The following TMCC3 variants were observed in gnomAD, a reference collection of about 807,000 sequenced individuals.
The protein encoded by TMCC3 is transmembrane and coiled-coil domain protein 3.
Under a neutral mutation model 40.2 loss-of-function variants are expected in TMCC3, and 28 were observed. That is an observed-to-expected ratio of 0.70 (90% CI 0.52 to 0.95). The LOEUF is 0.95. TMCC3 is among the 40% of genes least tolerant of loss of function. The pLI is 0.00. For synonymous variants in TMCC3, 255 were observed against 248.5 expected (o/e 1.03, Z -0.25); for missense variants, 554 against 615.2 (o/e 0.90, Z 1.05).
rs1026447564 is a variant in TMCC3, at chr12:94,570,606, G to C, written c.*829C>G. On this transcript the variant is annotated 3_prime_UTR_variant, in exon 4 of 4. Coordinates refer to ENST00000261226, the MANE Select transcript of TMCC3 (RefSeq NM_020698.4). Reference sequence around the variant, plus strand: ...GAGCCCTGTCTCAAAAAAGAAAAAAGATTTGCCAAAACACAAACCTTCAGA... The same window carrying C: ...GAGCCCTGTCTCAAAAAAGAAAAAACATTTGCCAAAACACAAACCTTCAGA... 6.6e-6 allele frequency: 1 copy of C among 152,552 alleles called. No homozygotes were observed. Among genetic ancestry groups the C allele is most frequent in the Admixed American group, 6.5e-5 (1 of 15,274 alleles). The allele number at this position is 152,552 out of a possible 1,614,324, so 9.4% of individuals were successfully genotyped here.
At chr12:94,617,377 G>T (rs1044564610) in intron 1 of TMCC3, among the ~76,000 whole-genome samples, 1 of 152,128 alleles carries the variant, frequency 6.6e-6, no homozygotes, top group Non-Finnish European at 1.5e-5. Flanking sequence ...ACGACCTGGG[G>T]CAAGTAAATT....
At chr12:94,590,189 A>C (rs933338999) in intron 1 of TMCC3, among the ~76,000 whole-genome samples, 2 of 148,870 alleles carry the variant, frequency 1.3e-5, no homozygotes, top group Admixed American at 6.7e-5. Context: ...GCAAATTCCA[A>C]TGTTCAAGTG....
intron 1 of TMCC3, among the ~76,000 whole-genome samples, chr12:94,645,180 A>T (rs1175764613): frequency 6.6e-6 from 1 of 152,230 alleles, no homozygotes; most frequent in Non-Finnish European, 1.5e-5. Flanking sequence ...GAATAAACGA[A>T]GCATCTTGCT....
rs2068527253 is a variant in TMCC3 at position 94,571,452 on chromosome 12, T to A, written c.1417A>T (p.Met473Leu). The A allele has an allele frequency of 6.2e-7, 1 of 1,612,864 alleles. No individual in the cohort carries two copies. The highest frequency in any genetic ancestry group is 1.3e-5 in the African/African-American group (1 of 75,044). ...WDHILCAIER[M>L]IIPR The stretch of plus-strand genomic sequence containing the variant: ...CAGTGGCTTCATCTTGGTATTATCA[T>A]CCTTTCTATGGCACACAGGATATGG... The change falls in exon 4 of 4, where the codon ATG (methionine) becomes TTG (leucine). Residue 473 changes from methionine (M) to leucine (L), a missense_variant. By Grantham distance (15) the Met-to-Leu change is conservative. Transcript: ENST00000261226.
intron 1 of TMCC3, among the ~76,000 whole-genome samples, chr12:94,618,657 G>A (rs1279559730): frequency 6.6e-6 from 1 of 152,154 alleles, no homozygotes; most frequent in African/African-American, 2.4e-5. Flanking sequence ...GGCCGAGGAA[G>A]AACAAGTTCC....
At chr12:94,620,413 G>A (rs910795235) in intron 1 of TMCC3, among the ~76,000 whole-genome samples, 1 of 151,150 alleles carries the variant, frequency 6.6e-6, no homozygotes, top group Non-Finnish European at 1.5e-5. Flanking sequence ...TCAGCCTCCC[G>A]AGTAGCTGGG....
intron 1 of TMCC3, among the ~76,000 whole-genome samples, chr12:94,625,279 C>G (rs371557755): frequency 6.6e-6 from 1 of 151,392 alleles, no homozygotes; most frequent in Non-Finnish European, 1.5e-5. Context: ...ACAGGTCAAA[C>G]GATAACACTG....
intron 1 of TMCC3, among the ~76,000 whole-genome samples, chr12:94,595,445 T>C (rs1015390439): frequency 1.3e-5 from 2 of 152,180 alleles, no homozygotes; most frequent in South Asian, 2.1e-4. Flanking sequence ...CTTTGAAAAG[T>C]TGCTATGTAA....
chr12:94,613,247 T>A (rs1157325408), intron 1 of TMCC3, among the ~76,000 whole-genome samples: 1 of 151,772 alleles, frequency 6.6e-6, no homozygotes, highest in Admixed American at 6.6e-5. Context: ...GTGGATCACA[T>A]AAGCCCAGAG....
intron 1 of TMCC3, among the ~76,000 whole-genome samples, chr12:94,620,412 C>T (rs766917277): frequency 9.9e-5 from 15 of 151,500 alleles, no homozygotes; most frequent in Non-Finnish European, 1.6e-4. Flanking sequence ...CTCAGCCTCC[C>T]GAGTAGCTGG....
At chr12:94,604,554 C>T (rs2068771247) in intron 1 of TMCC3, among the ~76,000 whole-genome samples, 1 of 150,810 alleles carries the variant, frequency 6.6e-6, no homozygotes, top group Admixed American at 6.6e-5. Context: ...TCCTGTAATC[C>T]CAGCACTCTG....
chr12:94,572,673 G>T (rs2068539687), intron 3 of TMCC3, among the ~76,000 whole-genome samples: 1 of 152,154 alleles, frequency 6.6e-6, no homozygotes, highest in African/African-American at 2.4e-5. Flanking sequence ...TGCCATCAGG[G>T]ACAAAGCAGA....
intron 1 of TMCC3, among the ~76,000 whole-genome samples, chr12:94,593,370 A>AG (rs1566320450): frequency 2.7e-5 from 2 of 72,790 alleles, no homozygotes; most frequent in Admixed American, 1.4e-4. Context: ...AAAAAAAAAA[A>AG]AAGAAAAGAA....
rs1409098007 is a variant in TMCC3, at chr12:94,650,253, G to A, written c.78+100C>T. 4 of 763,124 alleles carry A rather than the reference G, an allele frequency of 5.2e-6. No individual in the cohort carries two copies. In the African/African-American group the frequency reaches 5.6e-5, roughly 11 times the overall value. 47.3% of individuals were successfully genotyped at this position (763,124 alleles called of 1,614,324 possible). On this transcript the variant is annotated intron_variant, in intron 1 of 3. Transcript: ENST00000261226. ...TCCGGCGGCAGCGGAGGGCGGCGGC[G>A]AAACGCCGGGGGCGCGTGGGTTAGC...
chr12:94,649,610 A>C (rs1594304546), intron 1 of TMCC3, among the ~76,000 whole-genome samples: 8 of 152,150 alleles, frequency 5.3e-5, no homozygotes, highest in African/African-American at 2.4e-5. Context: ...AAAGGTATTC[A>C]CCGGGGAGGG....
intron 1 of TMCC3, among the ~76,000 whole-genome samples, chr12:94,619,357 T>A (rs2068863494): frequency 6.6e-6 from 1 of 152,226 alleles, no homozygotes; most frequent in South Asian, 2.1e-4. Context: ...CTGCAACCTA[T>A]GACCCAAAGC....
At chr12:94,649,063 C>G (rs7975526) in intron 1 of TMCC3, among the ~76,000 whole-genome samples, 50,355 of 152,068 alleles carry the variant, frequency 0.33, 11,122 homozygotes, top group African/African-American at 0.63. Flanking sequence ...AACTTATACA[C>G]AAAGTGCAAA....
chr12:94,615,018 C>T (rs577024915), intron 1 of TMCC3, among the ~76,000 whole-genome samples: 22 of 152,126 alleles, frequency 1.4e-4, no homozygotes, highest in Admixed American at 3.9e-4. Flanking sequence ...CCCTCCTCTC[C>T]CACCCCCAGG....
chr12:94,601,485 T>G (rs1372155263), intron 1 of TMCC3, among the ~76,000 whole-genome samples: 1 of 151,710 alleles, frequency 6.6e-6, no homozygotes, highest in Non-Finnish European at 1.5e-5. Flanking sequence ...GCCATTACAC[T>G]CACTACACTC....
Sources: gnomAD v4.1 joint callset for allele counts (sites outside exome capture counted in the v4.1 genomes callset) on GRCh38, gnomAD v4.1.1 for gene constraint, MANE v1.5 for transcripts, NCBI Gene and HGNC (gene_info 2026-07-23, HGNC 2026-07-21) for gene names.